The following PRMT5 variants were observed in gnomAD, a reference collection of about 807,000 sequenced individuals.
PRMT5 encodes protein arginine methyltransferase 5, also known as protein arginine N-methyltransferase 5.
PRMT5 carries 15 observed loss-of-function variants against 84.0 expected under a neutral mutation model. The observed-to-expected ratio is 0.18, with a 90% CI of 0.12 to 0.28. The LOEUF (loss-of-function observed/expected upper bound fraction) is 0.28, where lower values mean the gene tolerates loss of function less well. Ranked by LOEUF, PRMT5 falls within the 10% of genes least tolerant of loss-of-function variation. PRMT5 has a pLI of 1.00. For missense variants in PRMT5, 486 were observed against 808.0 expected (o/e 0.60, Z 4.83); for synonymous variants, 276 against 292.4 (o/e 0.94, Z 0.57).
Position 22,928,298 on chromosome 14 carries a change from G to T in PRMT5, c.230-87C>A. 1 of 1,439,576 alleles carries T rather than the reference G, an allele frequency of 6.9e-7. No individual in the cohort carries two copies. The allele number at this position is 1,439,576 out of a possible 1,614,324, so 89.2% of individuals were successfully genotyped here. ...TTTTTAGTTTTGGGAATCAAGAGTA[G>T]AAATGAGAGACAAAGGTTTTTTCTA... On this transcript the variant is annotated intron_variant, in intron 2 of 16. Coordinates refer to ENST00000324366, the MANE Select transcript of PRMT5 (RefSeq NM_006109.5). The surrounding 1 kb of genome is among the most constrained non-coding windows in gnomAD (Gnocchi z 4.8).
chr14:22,924,835 AT>A lies in PRMT5; in HGVS notation c.939+43del. ...TTGGAGGCATATATTCTCAAGAAAC[AT>A]TTTCCATCCCACCTTCCTCCTCTAA... On this transcript the variant is annotated intron_variant, in intron 8 of 16. Coordinates refer to ENST00000324366, the MANE Select transcript of PRMT5 (RefSeq NM_006109.5). The surrounding 1 kb of genome is among the most constrained non-coding windows in gnomAD (Gnocchi z 6.5). 1.2e-6 allele frequency: 2 copies of A among 1,601,912 alleles called. No individual in the cohort carries two copies. The highest frequency in any genetic ancestry group is 1.7e-6 in the Non-Finnish European group (2 of 1,172,580).
Position 22,928,971 on chromosome 14 carries a change from T to C in PRMT5, c.110+281A>G. 1 of 679,168 alleles carries C rather than the reference T, an allele frequency of 1.5e-6. No homozygotes were observed. The allele number at this position is 679,168 out of a possible 1,614,324, so 42.1% of individuals were successfully genotyped here. ...TTAGCCTCTTCTCTCCCTTGCCCCC[T>C]AACACCTCCTCCCACTCCCAGACAA... On this transcript the variant is annotated intron_variant, in intron 1 of 16. Transcript: ENST00000324366. This position sits in a 1 kb window ranked among gnomAD's most constrained non-coding sequence, Gnocchi z 4.8.
intron 16 of PRMT5, 24 bp downstream of exon 16, chr14:22,922,152 G>C (rs1275168972): frequency 6.5e-7 from 1 of 1,530,628 alleles, no homozygotes; most frequent in African/African-American, 1.4e-5. Context: ...TGCTTAACTA[G>C]AGAGTCTTAA....
rs754159350 is a variant in PRMT5, at chr14:22,920,928, G to T, written c.1890C>A (p.Gly630=). The change falls in exon 17 of 17, where the codon GGC becomes GGA. Residue 630 remains glycine (G), a synonymous_variant. Transcript: ENST00000324366. The part of the protein sequence containing the change: ...PVCSAIHNPT[G]RSYTIGL ...GCTAGAGGCCAATGGTATATGAGCGGCCTGTGGGGTTATGAATAGCAGAAC... is the reference window on the plus strand; with the variant it reads ...GCTAGAGGCCAATGGTATATGAGCGTCCTGTGGGGTTATGAATAGCAGAAC... 8.7e-6 allele frequency: 14 copies of T among 1,614,246 alleles called. No homozygotes were observed. The highest frequency in any genetic ancestry group is 1.2e-5 in the Non-Finnish European group (14 of 1,180,046).
At chr14:22,927,195 C>T (rs1456895019) in intron 4 of PRMT5, among the ~76,000 whole-genome samples, 1 of 151,754 alleles carries the variant, frequency 6.6e-6, no homozygotes, top group Non-Finnish European at 1.5e-5. Flanking sequence ...AAGTCATCCT[C>T]CCACCTCAGC....
intron 16 of PRMT5, among the ~76,000 whole-genome samples, chr14:22,921,420 C>G (rs2044293758): frequency 6.6e-6 from 1 of 152,114 alleles, no homozygotes; most frequent in Non-Finnish European, 1.5e-5. Context: ...AGAAGATAGA[C>G]AATTAGAACA....
At chr14:22,926,969 T>C in intron 4 of PRMT5, 155 bp from the exon 5 acceptor site, 2 of 612,164 alleles carry the variant, frequency 3.3e-6, no homozygotes, top group Non-Finnish European at 5.9e-6. Flanking sequence ...ACCTTATATA[T>C]AGATCCTTAT....
At chr14:22,927,767 GCA>G (rs2044458507) in intron 3 of PRMT5, 107 bp from the exon 4 acceptor site, 1 of 1,338,754 alleles carries the variant, frequency 7.5e-7, no homozygotes, top group African/African-American at 1.5e-5. Flanking sequence ...GAGTGCAGTG[GCA>G]CAGTCTCCAC....
Position 22,928,113 on chromosome 14 carries a change from C to T in PRMT5, c.315+13G>A. ...GGTTAGAAAAATCCAGCAGAGAAGT[C>T]AAACAGTCTTACCGCCTCGGAGTTC... On this transcript the variant is annotated intron_variant, in intron 3 of 16. Transcript: ENST00000324366. This position sits in a 1 kb window ranked among gnomAD's most constrained non-coding sequence, Gnocchi z 4.8. 6.2e-7 allele frequency: 1 copy of T among 1,611,248 alleles called. No individual in the cohort carries two copies. Among genetic ancestry groups the T allele is most frequent in the Non-Finnish European group, 8.5e-7 (1 of 1,178,414 alleles).
At chr14:22,925,436 C>T (rs899071928) in intron 7 of PRMT5, among the ~76,000 whole-genome samples, 18 of 151,866 alleles carry the variant, frequency 1.2e-4, no homozygotes, top group Non-Finnish European at 1.9e-4. Context: ...GGATTACAGG[C>T]GCGAGCCACT....
At chr14:22,921,172 G>A in intron 16 of PRMT5, 116 bp from the exon 17 acceptor site, 2 of 1,297,344 alleles carry the variant, frequency 1.5e-6, no homozygotes. Flanking sequence ...CAACCCTCAT[G>A]AAAGTTATTT....
At position 22,922,763 on chromosome 14, in the gene PRMT5, T is replaced by A; in HGVS notation, c.1558A>T (p.Thr520Ser). Residue 520 changes from threonine (T) to serine (S), a missense_variant, in exon 14 of 17, where the codon ACC (threonine) becomes TCC (serine). By Grantham distance (58) the Thr-to-Ser change is moderately conservative. Coordinates refer to ENST00000324366, the MANE Select transcript of PRMT5 (RefSeq NM_006109.5). ...CTACCTCTGTTGGGATGGCTGAAGG[T>A]GAAACAGGGCTGGGGTGCAGAGAGC... ...HQLSAPQPCF[T>S]FSHPNRDPMI... 1 of 1,613,696 alleles carries A rather than the reference T, an allele frequency of 6.2e-7. No individual in the cohort carries two copies. The highest frequency in any genetic ancestry group is 1.3e-5 in the African/African-American group (1 of 74,882).
rs774412471 is a variant in PRMT5 at position 22,923,166 on chromosome 14, C to A, written c.1376-6G>T. ...GGGGATGCTCACACCATCATCTGCA[C>A]AGCAGGAGAGTCAAATTAGTTCCAG... On this transcript the variant is annotated splice_polypyrimidine_tract_variant and splice_region_variant and intron_variant, in intron 12 of 16. Transcript: ENST00000324366. This position sits in a 1 kb window ranked among gnomAD's most constrained non-coding sequence, Gnocchi z 5.2. 5 of 1,587,442 alleles carry A rather than the reference C, an allele frequency of 3.1e-6. No homozygotes were observed. The highest frequency in any genetic ancestry group is 3.6e-5 in the Admixed American group (2 of 55,606).
At chr14:22,926,413 G>T in intron 6 of PRMT5, 93 bp downstream of exon 6, 1 of 1,590,584 alleles carries the variant, frequency 6.3e-7, no homozygotes, top group Non-Finnish European at 8.6e-7. Context: ...CAGAGGGGAA[G>T]TAGCAAAATT....
chr14:22,926,799 G>T lies in PRMT5; in HGVS notation c.466C>A (p.Pro156Thr). 3 of 1,613,156 alleles carry T rather than the reference G, an allele frequency of 1.9e-6. No individual in the cohort carries two copies. Among genetic ancestry groups the T allele is most frequent in the Non-Finnish European group, 2.5e-6 (3 of 1,179,166 alleles). Residue 156 changes from proline to threonine, a missense_variant, in exon 5 of 17, where the codon CCC becomes ACC. Around this residue, in one of 4 missense-constraint regions of PRMT5, gnomAD observed 215 missense variants for 301.1 expected, o/e 0.71. Coordinates refer to ENST00000324366, the MANE Select transcript of PRMT5 (RefSeq NM_006109.5). ...CTCAGGTCCTCTGGTGCCACCAAGG[G>T]TACCCGCATCCAGAACTGCACATGA... ...HHSSMFWMRV[P>T]LVAPEDLRDD...
In PRMT5 at chr14:22,924,774, A is replaced by G; in HGVS notation, c.940-65T>C. On this transcript the variant is annotated intron_variant, in intron 8 of 16. Transcript: ENST00000324366. The surrounding 1 kb of genome is among the most constrained non-coding windows in gnomAD (Gnocchi z 6.5). ...GCAAAGGACAATGCACTAAAATATC[A>G]AAAACTTTCCACTGCTTTCTGAGTT... The G allele has an allele frequency of 6.3e-7, 1 of 1,590,630 alleles. No homozygotes were observed. Among genetic ancestry groups the G allele is most frequent in the Non-Finnish European group, 8.6e-7 (1 of 1,165,514 alleles).
rs760349256 is a variant in PRMT5 at position 22,921,040 on chromosome 14, C to T, written c.1778G>A (p.Arg593His). 20 of 1,614,022 alleles carry T rather than the reference C, an allele frequency of 1.2e-5. No homozygotes were observed. Among genetic ancestry groups the T allele is most frequent in the Admixed American group, 5.0e-5 (3 of 60,000 alleles). ...ACGCACACAGATGGTTTGGCCTTCA[C>T]GTACCGTTATGGGCTGCTGTAAGAA... is the stretch of plus-strand genomic sequence containing the variant. ...LFPIKQPITV[R>H]EGQTICVRFW... is the part of the protein sequence containing the mutation. The change falls in exon 17 of 17, where the codon CGT (arginine) becomes CAT (histidine). Residue 593 changes from arginine to histidine, a missense_variant. Transcript: ENST00000324366.
Position 22,928,126 on chromosome 14 carries a change from C to A in PRMT5, c.315G>T (p.Ala105=). 1 of 1,613,540 alleles carries A rather than the reference C, an allele frequency of 6.2e-7. No homozygotes were observed. Among genetic ancestry groups the A allele is most frequent in the Non-Finnish European group, 8.5e-7 (1 of 1,179,706 alleles). The change falls in exon 3 of 17, where the codon GCG becomes GCT. Residue 105 remains alanine (A), a splice_region_variant and synonymous_variant. Transcript: ENST00000324366. The surrounding 1 kb of genome is among the most constrained non-coding windows in gnomAD (Gnocchi z 4.8). ...KVEKIRRNSE[A]AMLQELNFGA... ...CAGCAGAGAAGTCAAACAGTCTTAC[C>A]GCCTCGGAGTTCCTGCGAATCTTCT...
chr14:22,928,582 C>T lies in PRMT5; in HGVS notation c.144G>A (p.Pro48=). Residue 48 remains proline, a synonymous_variant, in exon 2 of 17, where the codon CCG becomes CCA. Transcript: ENST00000324366. The surrounding 1 kb of genome is among the most constrained non-coding windows in gnomAD (Gnocchi z 4.8). ...CCTGAATGAACTCCCTCTTGAAACG[C>T]GGATGGAAGACAGGCATGCAGAGGA... The part of the protein sequence containing the change: ...FDFLCMPVFH[P]RFKREFIQEP... 6.2e-7 allele frequency: 1 copy of T among 1,614,046 alleles called. No homozygotes were observed. The highest frequency in any genetic ancestry group is 8.5e-7 in the Non-Finnish European group (1 of 1,179,928).
Sources: gnomAD v4.1 joint callset for allele counts (sites outside exome capture counted in the v4.1 genomes callset) on GRCh38, gnomAD v4.1.1 for gene constraint, gnomAD v4.1.1 regional missense constraint, Gnocchi (gnomAD v3.1) non-coding constraint, MANE v1.5 for transcripts, NCBI Gene and HGNC (gene_info 2026-07-23, HGNC 2026-07-21) for gene names.